Variants in EDN1 observed in about 807,000 individuals in gnomAD.
EDN1 encodes the protein endothelin 1, also known as endothelin-1.
Under a neutral mutation model 21.7 loss-of-function variants are expected in EDN1, and 11 were observed. That is an observed-to-expected ratio of 0.51 (90% CI 0.32 to 0.84). EDN1 has a LOEUF of 0.84. Ranked by LOEUF, EDN1 falls within the 40% of genes least tolerant of loss-of-function variation. The pLI, the probability that EDN1 is intolerant of heterozygous loss-of-function variation, is 0.03. For missense variants in EDN1, 244 were observed against 262.3 expected (o/e 0.93, Z 0.48); for synonymous variants, 85 against 90.6 (o/e 0.94, Z 0.35).
the EDN1 span, among the ~76,000 whole-genome samples, chr6:12,256,322 C>T: frequency 6.6e-6 from 1 of 152,204 alleles, no homozygotes; most frequent in Non-Finnish European, 1.5e-5. Context: ...CACTGCGCTC[C>T]AGCGTGGGCA....
the EDN1 span, among the ~76,000 whole-genome samples, chr6:12,274,171 A>G: frequency 1.3e-5 from 2 of 152,220 alleles, no homozygotes; most frequent in South Asian, 4.1e-4. Context: ...CCCACCATGG[A>G]ATTTACTAGG....
At chr6:12,257,021 T>C in the EDN1 span, among the ~76,000 whole-genome samples, 1 of 138,612 alleles carries the variant, frequency 7.2e-6, no homozygotes, top group Middle Eastern at 3.2e-3. Flanking sequence ...GACATATCGA[T>C]ATAATGAAGA....
chr6:12,260,034 A>G, the EDN1 span, among the ~76,000 whole-genome samples: 32 of 152,222 alleles, frequency 2.1e-4, no homozygotes, highest in Non-Finnish European at 4.6e-4. Context: ...AAATTGATTT[A>G]TTTAGTACAT....
chr6:12,258,227 A>G, the EDN1 span, among the ~76,000 whole-genome samples: 234 of 151,790 alleles, frequency 1.5e-3, no homozygotes, highest in African/African-American at 5.2e-3. Context: ...CAAAGCCGGA[A>G]GATCATCTGA....
rs1762640663 is a variant in EDN1, at chr6:12,290,402, C to T, written c.-228C>T. On this transcript the variant is annotated 5_prime_UTR_variant, in exon 1 of 5. Coordinates refer to ENST00000379375, the MANE Select transcript of EDN1 (RefSeq NM_001955.5). ...CTGCGCCAGGCGAACGGGTCCTGCGCCTCCTGCAGTCCCAGCTCTCCACCG... is the reference window on the plus strand; with the variant it reads ...CTGCGCCAGGCGAACGGGTCCTGCGTCTCCTGCAGTCCCAGCTCTCCACCG... The T allele has an allele frequency of 1.7e-6, 1 of 577,404 alleles. No individual in the cohort carries two copies. The highest frequency in any genetic ancestry group is 2.0e-5 in the South Asian group (1 of 49,088). The allele number at this position is 577,404 out of a possible 1,614,324, so 35.8% of individuals were successfully genotyped here.
Position 12,290,446 on chromosome 6 carries a change from G to C in EDN1, c.-184G>C. 1.6e-6 allele frequency: 1 copy of C among 616,138 alleles called. No homozygotes were observed. Among genetic ancestry groups the C allele is most frequent in the East Asian group, 2.8e-5 (1 of 35,356 alleles). 38.2% of individuals were successfully genotyped at this position (616,138 alleles called of 1,614,324 possible). ...TCCACCGCCGCGTGCGCCTGCAGAC[G>C]CTCCGCTCGCTGCCTTCTCTCCTGG... On this transcript the variant is annotated 5_prime_UTR_variant, in exon 1 of 5. Transcript: ENST00000379375.
the EDN1 span, among the ~76,000 whole-genome samples, chr6:12,265,016 A>G: frequency 1.2e-4 from 18 of 152,332 alleles, no homozygotes; most frequent in African/African-American, 3.8e-4. Flanking sequence ...AACACATAAA[A>G]GAGAATAAAG....
chr6:12,247,692 C>T, the EDN1 span, among the ~76,000 whole-genome samples: 2 of 151,782 alleles, frequency 1.3e-5, no homozygotes, highest in African/African-American at 4.8e-5. Flanking sequence ...ACATGCGCCA[C>T]CACGCCGGGC....
At chr6:12,287,755 GGCGCGCGC>G (rs1279596516), upstream of EDN1, among the ~76,000 whole-genome samples, 211 of 27,486 alleles carry the variant, frequency 7.7e-3, 1 homozygote, top group African/African-American at 0.021. Flanking sequence ...CACACACACA[GGCGCGCGC>G]GCGCGCGCGC....
At chr6:12,271,081 G>A in the EDN1 span, among the ~76,000 whole-genome samples, 3 of 151,704 alleles carry the variant, frequency 2.0e-5, no homozygotes, top group Non-Finnish European at 4.4e-5. Flanking sequence ...TACAGGTTAA[G>A]TAAGTCTCTC....
Position 12,292,419 on chromosome 6 carries a change from G to A in EDN1, c.143G>A (p.Arg48His), listed in dbSNP as rs368802545. ...KPTPSPPWRL[R>H]RSKRCSCSSL... is the part of the protein sequence containing the mutation. ...ACTCCCAGTCCACCCTGGCGGCTCCGCCGGTCCAAGCGCTGCTCCTGCTCG... is the reference window on the plus strand; with the variant it reads ...ACTCCCAGTCCACCCTGGCGGCTCCACCGGTCCAAGCGCTGCTCCTGCTCG... Residue 48 changes from arginine to histidine, a missense_variant, in exon 2 of 5, where the codon CGC (arginine) becomes CAC (histidine). Arg to His is a conservative substitution (Grantham distance 29). Coordinates refer to ENST00000379375, the MANE Select transcript of EDN1 (RefSeq NM_001955.5). The A allele has an allele frequency of 2.3e-5, 37 of 1,614,072 alleles. No individual in the cohort carries two copies. Among genetic ancestry groups the A allele is most frequent in the Non-Finnish European group, 2.8e-5 (33 of 1,180,040 alleles).
chr6:12,242,715 C>G, the EDN1 span, among the ~76,000 whole-genome samples: 1 of 150,088 alleles, frequency 6.7e-6, no homozygotes, highest in African/African-American at 2.5e-5. Context: ...CTCACCTTGC[C>G]AGGTCCCTCT....
chr6:12,240,540 G>A, the EDN1 span, among the ~76,000 whole-genome samples: 2 of 152,196 alleles, frequency 1.3e-5, no homozygotes, highest in South Asian at 4.1e-4. Context: ...TTTCTATTTT[G>A]TAGGGCCCCT....
chr6:12,264,639 A>C, the EDN1 span, among the ~76,000 whole-genome samples: 1 of 152,114 alleles, frequency 6.6e-6, no homozygotes, highest in Non-Finnish European at 1.5e-5. Flanking sequence ...TTGCAAAAAA[A>C]CTCAATGTTT....
chr6:12,279,029 A>G, the EDN1 span, among the ~76,000 whole-genome samples: 1 of 152,262 alleles, frequency 6.6e-6, no homozygotes, highest in Middle Eastern at 3.4e-3. Flanking sequence ...CCCTCCTCCA[A>G]CTTTCTCTGG....
the EDN1 span, among the ~76,000 whole-genome samples, chr6:12,240,910 G>C: frequency 6.6e-6 from 1 of 152,124 alleles, no homozygotes; most frequent in Non-Finnish European, 1.5e-5. Flanking sequence ...GTGATGGCTG[G>C]TGTTGATCCT....
At chr6:12,293,214 G>A (rs1049545479) in intron 2 of EDN1, among the ~76,000 whole-genome samples, 4 of 152,176 alleles carry the variant, frequency 2.6e-5, no homozygotes, top group South Asian at 2.1e-4. Context: ...ACAATGTACC[G>A]TTATGACAAA....
rs940418553 is a variant in EDN1, at chr6:12,290,393, G to T, written c.-237G>T. On this transcript the variant is annotated 5_prime_UTR_variant, in exon 1 of 5. Transcript: ENST00000379375. ...CCTCTGCATCTGCGCCAGGCGAACG[G>T]GTCCTGCGCCTCCTGCAGTCCCAGC... 10 of 567,952 alleles carry T rather than the reference G, an allele frequency of 1.8e-5. No individual in the cohort carries two copies. Among genetic ancestry groups the T allele is most frequent in the African/African-American group, 1.7e-4 (9 of 53,038 alleles). The allele number at this position is 567,952 out of a possible 1,614,324, so 35.2% of individuals were successfully genotyped here.
the EDN1 span, among the ~76,000 whole-genome samples, chr6:12,235,943 T>C: frequency 6.6e-6 from 1 of 152,214 alleles, no homozygotes; most frequent in Non-Finnish European, 1.5e-5. Context: ...ACACAAAGCG[T>C]ACATCATAAC....
Sources: allele counts gnomAD v4.1 joint callset (sites outside exome capture counted in the v4.1 genomes callset), GRCh38; gene constraint gnomAD v4.1.1; transcripts MANE v1.5; gene names NCBI Gene and HGNC (gene_info 2026-07-23, HGNC 2026-07-21).